Variants in CSNK2A1 observed in about 807,000 individuals in gnomAD.
CSNK2A1 encodes the protein casein kinase 2 alpha 1.
Under a neutral mutation model 62.9 loss-of-function variants are expected in CSNK2A1, and 10 were observed. The ratio of observed to expected loss-of-function variants is 0.16; its 90% CI spans 0.10 to 0.27. The LOEUF (loss-of-function observed/expected upper bound fraction) is 0.27, where lower values mean the gene tolerates loss of function less well. CSNK2A1 is among the 10% of genes least tolerant of loss of function. CSNK2A1 has a pLI of 1.00. For missense variants in CSNK2A1, 160 were observed against 492.0 expected (o/e 0.33, Z 6.38); for synonymous variants, 124 against 167.8 (o/e 0.74, Z 2.02).
At position 521,785 on chromosome 20, in the gene CSNK2A1, C is replaced by T. The variant is rs562815757; in HGVS notation, c.-110+6148G>A. On this transcript the variant is annotated intron_variant, in intron 2 of 13. Transcript: ENST00000217244. ...TCTTTTTTTGGTAGAGACAGGGTCT[C>T]GCTTTGTTGCCCAGGCTGGTCTCAA... is the stretch of plus-strand genomic sequence containing the variant. 2.8e-3 allele frequency among the ~76,000 whole-genome samples: 431 copies of T among 152,274 alleles called. 2 individuals carry two copies. The highest frequency in any genetic ancestry group is 3.3e-3 in the Non-Finnish European group (224 of 68,016).
intron 1 of CSNK2A1, chr20:543,017 A>C (rs1312866066): frequency 6.6e-6 from 1 of 152,348 alleles, no homozygotes; most frequent in Non-Finnish European, 1.5e-5. Context: ...AAGGTCACCA[A>C]CATATGTATA....
intron 11 of CSNK2A1, chr20:487,822 T>C: frequency 1.8e-6 from 1 of 549,528 alleles, no homozygotes; most frequent in Non-Finnish European, 3.2e-6. Context: ...ATAATTCAGG[T>C]TACTTGACAG....
At chr20:532,846 T>C (rs1023918939) in intron 1 of CSNK2A1, among the ~76,000 whole-genome samples, 1 of 152,178 alleles carries the variant, frequency 6.6e-6, no homozygotes, top group African/African-American at 2.4e-5. Context: ...AGATCATCTA[T>C]TTGGAGGTCA....
chr20:490,703 T>A (rs1315419622), intron 9 of CSNK2A1, among the ~76,000 whole-genome samples: 1 of 132,670 alleles, frequency 7.5e-6, no homozygotes, highest in East Asian at 3.3e-4. Flanking sequence ...TGTGCCTGGC[T>A]CTTTTTTTTT....
Position 499,075 on chromosome 20 carries a change from T to C in CSNK2A1, c.366+180A>G, listed in dbSNP as rs2018404895. 2.6e-6 allele frequency: 1 copy of C among 389,638 alleles called. No homozygotes were observed. The highest frequency in any genetic ancestry group is 8.2e-5 in the South Asian group (1 of 12,128). 24.1% of individuals were successfully genotyped at this position (389,638 alleles called of 1,614,324 possible). A position where few individuals can be genotyped will look rare whatever the true frequency, so the allele number is the denominator to read the frequency against. ...AAGAACATTAAACAAATGGGCAAAA[T>C]ATCAAGATGCAGAAAGTGGGCACTG... is the stretch of plus-strand genomic sequence containing the variant. On this transcript the variant is annotated intron_variant, in intron 6 of 13. Coordinates refer to ENST00000217244, the MANE Select transcript of CSNK2A1 (RefSeq NM_177559.3). The surrounding 1 kb of genome is among the most constrained non-coding windows in gnomAD (Gnocchi z 4.2).
intron 2 of CSNK2A1, among the ~76,000 whole-genome samples, chr20:517,712 G>C (rs1029578682): frequency 6.6e-6 from 1 of 152,090 alleles, no homozygotes; most frequent in African/African-American, 2.4e-5. Context: ...GAATTTTAAA[G>C]ACCTATAATT....
In CSNK2A1 at chr20:487,591, A is replaced by C. The variant is rs201826510; in HGVS notation, c.825-16T>G. The C allele has an allele frequency of 1.2e-6, 2 of 1,614,170 alleles. No individual in the cohort carries two copies. Among genetic ancestry groups the C allele is most frequent in the Admixed American group, 3.3e-5 (2 of 60,028 alleles). ...TCGAGAGTGTCTGCAGGACCAAAAG[A>C]GGGCATGAGAAATGGGCCACGTGGG... On this transcript the variant is annotated splice_polypyrimidine_tract_variant and intron_variant, in intron 11 of 13. Transcript: ENST00000217244.
In CSNK2A1 at chr20:499,336, C is replaced by T; in HGVS notation, c.316-31G>A. The T allele has an allele frequency of 1.3e-6, 2 of 1,598,438 alleles. No homozygotes were observed. Among genetic ancestry groups the T allele is most frequent in the Non-Finnish European group, 1.7e-6 (2 of 1,173,426 alleles). On this transcript the variant is annotated intron_variant, in intron 5 of 13. Transcript: ENST00000217244. This position sits in a 1 kb window ranked among gnomAD's most constrained non-coding sequence, Gnocchi z 4.2. ...GGAAAAGAACAAAAACAAAAACACA[C>T]ATTAGCAATAGCCCTGACAGCTTTA...
At chr20:541,207 G>A (rs1046824888) in intron 1 of CSNK2A1, 2 of 152,132 alleles carry the variant, frequency 1.3e-5, no homozygotes, top group African/African-American at 4.8e-5. Flanking sequence ...AAGGACTTAA[G>A]TGACTAGATT....
chr20:538,599 C>T (rs925927958), intron 1 of CSNK2A1, among the ~76,000 whole-genome samples: 10 of 152,112 alleles, frequency 6.6e-5, no homozygotes, highest in African/African-American at 2.2e-4. Context: ...CTAGAAACTC[C>T]ATTCTGTAGT....
chr20:495,596 C>A, intron 8 of CSNK2A1, 123 bp downstream of exon 8: 1 of 707,904 alleles, frequency 1.4e-6, no homozygotes, highest in South Asian at 1.8e-5. Flanking sequence ...CATTCATTCA[C>A]CAAATATTTC....
intron 4 of CSNK2A1, chr20:504,596 C>T (rs1487270288): frequency 6.5e-6 from 1 of 152,714 alleles, no homozygotes; most frequent in Non-Finnish European, 1.5e-5. Context: ...TGCATTACTG[C>T]AGGGCAATCA....
Position 477,199 on chromosome 20 carries a change from T to A in CSNK2A1, c.*6762A>T, listed in dbSNP as rs1223241770. On this transcript the variant is annotated 3_prime_UTR_variant, in exon 14 of 14. Coordinates refer to ENST00000217244, the MANE Select transcript of CSNK2A1 (RefSeq NM_177559.3). Reference sequence around the variant, plus strand: ...CCACCACGCCCAGCTTCTGTGACTTTAAAAAAATCTTTTTAGACAGGGTCT... The same window carrying A: ...CCACCACGCCCAGCTTCTGTGACTTAAAAAAAATCTTTTTAGACAGGGTCT... The A allele has an allele frequency of 6.6e-6, 1 of 152,204 alleles. No homozygotes were observed. Among genetic ancestry groups the A allele is most frequent in the African/African-American group, 2.4e-5 (1 of 41,440 alleles). 9.4% of individuals were successfully genotyped at this position (152,204 alleles called of 1,614,324 possible). A position where few individuals can be genotyped will look rare whatever the true frequency, so the allele number is the denominator to read the frequency against.
chr20:485,542 T>C (rs1197782487), intron 13 of CSNK2A1, among the ~76,000 whole-genome samples: 1 of 152,168 alleles, frequency 6.6e-6, no homozygotes, highest in East Asian at 1.9e-4. Context: ...TAACAGAACA[T>C]GAAACTCTTA....
At chr20:527,058 T>C (rs921756683) in intron 2 of CSNK2A1, 1 of 130,248 alleles carries the variant, frequency 7.7e-6, no homozygotes, top group African/African-American at 2.8e-5. Flanking sequence ...AATATTAGGG[T>C]AAATGTCCAA....
At chr20:519,591 C>T (rs1446938636) in intron 2 of CSNK2A1, among the ~76,000 whole-genome samples, 1 of 152,030 alleles carries the variant, frequency 6.6e-6, no homozygotes, top group Non-Finnish European at 1.5e-5. Context: ...CAGAAAAAGG[C>T]AGATTATATT....
intron 2 of CSNK2A1, among the ~76,000 whole-genome samples, chr20:524,880 C>T (rs1196809599): frequency 6.6e-6 from 1 of 151,556 alleles, no homozygotes; most frequent in Admixed American, 6.6e-5. Context: ...CTTTGGGAGA[C>T]TGAAGAGGAA....
intron 2 of CSNK2A1, among the ~76,000 whole-genome samples, chr20:510,548 C>T (rs2018697280): frequency 2.0e-5 from 3 of 151,950 alleles, no homozygotes; most frequent in Admixed American, 2.0e-4. Context: ...TATAATCTAC[C>T]CTAAAATGAT....
intron 1 of CSNK2A1, chr20:540,894 C>T (rs1230332315): frequency 2.0e-5 from 3 of 152,142 alleles, no homozygotes; most frequent in Admixed American, 6.5e-5. Context: ...TCTCACGAGG[C>T]CAAAAATCAA....
Sources: allele counts gnomAD v4.1 joint callset (sites outside exome capture counted in the v4.1 genomes callset), GRCh38; gene constraint gnomAD v4.1.1; non-coding constraint Gnocchi (gnomAD v3.1); transcripts MANE v1.5; gene names NCBI Gene and HGNC (gene_info 2026-07-23, HGNC 2026-07-21).